OSBPL10: variants seen among roughly 807,000 people sequenced by gnomAD.
The protein encoded by OSBPL10 is oxysterol-binding protein-related protein 10.
A neutral mutation model predicts 81.7 loss-of-function variants in OSBPL10; 49 were observed. The ratio of observed to expected loss-of-function variants is 0.60; its 90% CI spans 0.48 to 0.76. The LOEUF (loss-of-function observed/expected upper bound fraction) is 0.76. OSBPL10 is among the 30% of genes least tolerant of loss of function. OSBPL10 has a pLI of 0.00. For missense variants in OSBPL10, 923 were observed against 987.8 expected (o/e 0.93, Z 0.88); for synonymous variants, 419 against 383.6 (o/e 1.09, Z -1.08).
chr3:31,925,974 G>GGTCAAGTATTCCTTCCTTTCCT (rs1358627971), intron 1 of OSBPL10, among the ~76,000 whole-genome samples: 4 of 152,050 alleles, frequency 2.6e-5, no homozygotes, highest in African/African-American at 9.7e-5. Flanking sequence ...TCGAGACCCA[G>GGTCAAGTATTCCTTCCTTTCCT]GTCAAGTATT....
At chr3:31,830,365 T>A in intron 3 of OSBPL10, 134 bp from the exon 4 acceptor site, 1 of 882,016 alleles carries the variant, frequency 1.1e-6, no homozygotes, top group Non-Finnish European at 1.7e-6. Context: ...GAAGGAGGTA[T>A]AACAACACTG....
At chr3:31,737,355 G>C (rs898602586) in intron 5 of OSBPL10, among the ~76,000 whole-genome samples, 1 of 152,178 alleles carries the variant, frequency 6.6e-6, no homozygotes, top group Non-Finnish European at 1.5e-5. Flanking sequence ...ATATTCTCAA[G>C]AAGGCTAAGA....
At chr3:31,727,163 G>A (rs1696835005) in intron 6 of OSBPL10, among the ~76,000 whole-genome samples, 1 of 152,060 alleles carries the variant, frequency 6.6e-6, no homozygotes, top group Non-Finnish European at 1.5e-5. Flanking sequence ...GCTATTAATT[G>A]TAGGGTTTCC....
intron 10 of OSBPL10, among the ~76,000 whole-genome samples, chr3:31,667,378 A>T (rs10510651): frequency 0.012 from 1,867 of 152,360 alleles, 39 homozygotes; most frequent in African/African-American, 0.043. Context: ...CTGATTAACA[A>T]GCAAGAGTGT....
intron 7 of OSBPL10, among the ~76,000 whole-genome samples, chr3:31,697,272 G>T (rs1695751529): frequency 6.6e-6 from 1 of 152,134 alleles, no homozygotes; most frequent in South Asian, 2.1e-4. Context: ...ACTTCATGAA[G>T]AAAGAAGAGC....
intron 3 of OSBPL10, among the ~76,000 whole-genome samples, chr3:31,872,333 C>T (rs1701350310): frequency 6.6e-6 from 1 of 152,212 alleles, no homozygotes; most frequent in South Asian, 2.1e-4. Flanking sequence ...GACCCAGGTT[C>T]CAGTCTTAGC....
rs1334966485 is a variant in OSBPL10, at chr3:31,719,826, AGTTAAATAAATTCCTT to A, written c.1095+13415_1095+13430del. ...AACCTAAATGCCACTCCTAGGGTCC[AGTTAAATAAATTCCTT>A]GTTAAATAAAATATAATACATAACT... On this transcript the variant is annotated intron_variant, in intron 6 of 11. Coordinates refer to ENST00000396556, the MANE Select transcript of OSBPL10 (RefSeq NM_017784.5). Among the ~76,000 whole-genome samples, 5 of 152,236 alleles carry A rather than the reference AGTTAAATAAATTCCTT, an allele frequency of 3.3e-5. No homozygotes were observed. The East Asian group carries it at 5.8e-4, about 18-fold the overall frequency.
chr3:31,785,993 C>A (rs1176471377), intron 4 of OSBPL10, among the ~76,000 whole-genome samples: 1 of 152,190 alleles, frequency 6.6e-6, no homozygotes, highest in South Asian at 2.1e-4. Flanking sequence ...AGTTGGAGAG[C>A]CCAAACTAGA....
At chr3:31,841,703 T>C (rs1381030150) in intron 3 of OSBPL10, among the ~76,000 whole-genome samples, 1 of 152,240 alleles carries the variant, frequency 6.6e-6, no homozygotes, top group Non-Finnish European at 1.5e-5. Context: ...ACTCAAAGCC[T>C]TTCTCTAGTT....
chr3:31,875,323 A>G (rs139687001), intron 3 of OSBPL10, among the ~76,000 whole-genome samples: 142 of 152,268 alleles, frequency 9.3e-4, no homozygotes, highest in African/African-American at 3.3e-3. Context: ...GTAAAGACAC[A>G]TATAAAAAGA....
intron 4 of OSBPL10, among the ~76,000 whole-genome samples, chr3:31,762,642 T>TTTTTTTTTTTTTTTG (rs1222451634): frequency 7.6e-6 from 1 of 131,214 alleles, no homozygotes; most frequent in Non-Finnish European, 1.6e-5. Context: ...TTTTTTTTTT[T>TTTTTTTTTTTTTTTG]TTTTTTTGTA....
At chr3:31,822,546 T>G (rs1274931332) in intron 4 of OSBPL10, among the ~76,000 whole-genome samples, 2 of 152,150 alleles carry the variant, frequency 1.3e-5, no homozygotes, top group Non-Finnish European at 1.5e-5. Context: ...ACATTGTACT[T>G]GTACCAATTG....
At chr3:31,960,581 A>G (rs958247524) in intron 1 of OSBPL10, among the ~76,000 whole-genome samples, 2 of 152,222 alleles carry the variant, frequency 1.3e-5, no homozygotes, top group Non-Finnish European at 2.9e-5. Context: ...AAGCTAGTTT[A>G]CATAACACAG....
intron 6 of OSBPL10, chr3:31,708,917 G>T (rs1172130941): frequency 2.0e-6 from 2 of 985,328 alleles, no homozygotes; most frequent in African/African-American, 3.5e-5. Context: ...GGTATAGCTG[G>T]TACCCCTTGG....
chr3:31,821,772 G>A (rs1699987108), intron 4 of OSBPL10, among the ~76,000 whole-genome samples: 1 of 152,154 alleles, frequency 6.6e-6, no homozygotes, highest in African/African-American at 2.4e-5. Context: ...TACCCTAAAT[G>A]TGGTTTCCCT....
chr3:31,780,154 G>C (rs959934987), intron 4 of OSBPL10, among the ~76,000 whole-genome samples: 2 of 152,114 alleles, frequency 1.3e-5, no homozygotes, highest in Admixed American at 1.3e-4. Context: ...TTAGCCGGGT[G>C]TGGTGGCAGG....
At chr3:31,900,366 A>T (rs1696199640) in intron 1 of OSBPL10, among the ~76,000 whole-genome samples, 1 of 151,998 alleles carries the variant, frequency 6.6e-6, no homozygotes, top group Admixed American at 6.6e-5. Context: ...TTACCATATC[A>T]TTGCCCCTTC....
In OSBPL10 at chr3:31,733,347, A is replaced by T; in HGVS notation, c.1005T>A (p.Leu335=). The part of the protein sequence containing the change: ...HSTEQLKNGT[L]GSLPSASANI... ...TGGCACTGGCTGATGGCAAAGAGCC[A>T]AGTGTCCCATTTTTCAGCTGCTCTG... The change falls in exon 6 of 12, where the codon CTT becomes CTA. Residue 335 remains leucine (L), a synonymous_variant. Transcript: ENST00000396556. The T allele has an allele frequency of 6.2e-7, 1 of 1,613,900 alleles. No individual in the cohort carries two copies. Among genetic ancestry groups the T allele is most frequent in the Non-Finnish European group, 8.5e-7 (1 of 1,179,972 alleles).
chr3:31,752,558 C>T lies in OSBPL10; in HGVS notation c.730-4438G>A, dbSNP rs555373531. Among the ~76,000 whole-genome samples the T allele has an allele frequency of 4.9e-4, 75 of 152,082 alleles. 1 individual carries two copies. In the Middle Eastern group the frequency reaches 0.031, roughly 62 times the overall value. On this transcript the variant is annotated intron_variant, in intron 4 of 11. Transcript: ENST00000396556. ...CTTGCACTATAAACAATAACACATG[C>T]GTTACAAAATCAAATCATAGGAGTT...
Sources: gnomAD v4.1 joint callset for allele counts (sites outside exome capture counted in the v4.1 genomes callset) on GRCh38, gnomAD v4.1.1 for gene constraint, MANE v1.5 for transcripts, NCBI Gene and HGNC (gene_info 2026-07-23, HGNC 2026-07-21) for gene names.